PSKH2: variants seen among roughly 807,000 people sequenced by gnomAD.
PSKH2 encodes the protein serine/threonine-protein kinase H2.
A neutral mutation model predicts 22.5 loss-of-function variants in PSKH2; 16 were observed. The ratio of observed to expected loss-of-function variants is 0.71; its 90% confidence interval spans 0.48 to 1.08. PSKH2 has a LOEUF of 1.08. Among genes scored for constraint, PSKH2 ranks in the 50% least tolerant of loss-of-function variants. PSKH2 has a pLI of 0.00. For synonymous variants in PSKH2, 188 were observed against 184.8 expected (o/e 1.02, Z -0.14); for missense variants, 516 against 492.8 (o/e 1.05, Z -0.44).
In PSKH2 at chr8:86,047,530, T is replaced by A. The variant is rs1210879277; in HGVS notation, c.*932A>T. Among the ~76,000 whole-genome samples, 1 of 152,178 alleles carries A rather than the reference T, an allele frequency of 6.6e-6. No homozygotes were observed. The highest frequency in any genetic ancestry group is 2.1e-4 in the South Asian group (1 of 4,834). ...CAACTAATTAATCATTTATTTACTA[T>A]GTTTACCCACACATATGAGTGACTC... On this transcript the variant is annotated 3_prime_UTR_variant, in exon 3 of 3. Transcript: ENST00000276616.
At chr8:86,060,452 C>A (rs535165867) in intron 2 of PSKH2, among the ~76,000 whole-genome samples, 1 of 152,172 alleles carries the variant, frequency 6.6e-6, no homozygotes, top group African/African-American at 2.4e-5. Context: ...TGGCAATAGA[C>A]GCTAAATATA....
Position 86,049,741 on chromosome 8 carries a change from A to G in PSKH2, c.853-974T>C, listed in dbSNP as rs142251929. Among the ~76,000 whole-genome samples the G allele has an allele frequency of 1.4e-4, 5 of 34,806 alleles. 1 individual carries two copies. The highest frequency in any genetic ancestry group is 0.015 in the Middle Eastern group (1 of 66). 22.8% of individuals were successfully genotyped at this position (34,806 alleles called of 152,430 possible). A position where few individuals can be genotyped will look rare whatever the true frequency, so the allele number is the denominator to read the frequency against. On this transcript the variant is annotated intron_variant, in intron 2 of 2. Transcript: ENST00000276616. ...AAGAAAGAAAGAAAGAAAGAAAGAAAGAAAGAAACGAAAGAAAGAAAGAAA... is the reference window on the plus strand; with the variant it reads ...AAGAAAGAAAGAAAGAAAGAAAGAAGGAAAGAAACGAAAGAAAGAAAGAAA...
intron 2 of PSKH2, among the ~76,000 whole-genome samples, chr8:86,061,507 A>G (rs1453473608): frequency 1.3e-5 from 2 of 152,068 alleles, no homozygotes; most frequent in South Asian, 2.1e-4. Context: ...TGATGCAGAC[A>G]TGGAGCTGTG....
At position 86,064,272 on chromosome 8, in the gene PSKH2, CTA is replaced by C; in HGVS notation, c.543_544del (p.His181GlnfsTer6). 6.2e-7 allele frequency: 1 copy of C among 1,614,138 alleles called. No homozygotes were observed. Among genetic ancestry groups the C allele is most frequent in the Non-Finnish European group, 8.5e-7 (1 of 1,180,020 alleles). On this transcript the variant is annotated frameshift_variant, in exon 2 of 3. Coordinates refer to ENST00000276616, the MANE Select transcript of PSKH2 (RefSeq NM_033126.3). LOFTEE classifies it high-confidence loss of function. ...TAAGAGGTTTTCAGGCTTTAGATTC[CTA>C]TGAGTTATCTGCAGCGCATGCAAAT...
At chr8:86,049,732 AAGAAAGAAAG>A (rs1359911919) in intron 2 of PSKH2, among the ~76,000 whole-genome samples, 1 of 51,144 alleles carries the variant, frequency 2.0e-5, no homozygotes, top group Non-Finnish European at 4.1e-5. Flanking sequence ...GAAAGAAAGA[AAGAAAGAAAG>A]AAAGAAACGA....
intron 2 of PSKH2, among the ~76,000 whole-genome samples, chr8:86,049,737 AG>A (rs1405437275): frequency 4.5e-5 from 2 of 44,418 alleles, no homozygotes; most frequent in Non-Finnish European, 4.8e-5. Flanking sequence ...AAAGAAAGAA[AG>A]AAAGAAAGAA....
intron 1 of PSKH2, among the ~76,000 whole-genome samples, chr8:86,065,435 C>T (rs1374734790): frequency 2.6e-5 from 4 of 152,114 alleles, no homozygotes; most frequent in Non-Finnish European, 5.9e-5. Context: ...ATCCCCATAC[C>T]CACACTTGGA....
chr8:86,064,314 G>C lies in PSKH2; in HGVS notation c.503C>G (p.Ala168Gly), dbSNP rs1335274927. The C allele has an allele frequency of 6.2e-7, 1 of 1,614,110 alleles. No individual in the cohort carries two copies. The highest frequency in any genetic ancestry group is 8.5e-7 in the Non-Finnish European group (1 of 1,180,024). Residue 168 changes from alanine (A) to glycine (G), a missense_variant, in exon 2 of 3, where the codon GCT becomes GGT. Transcript: ENST00000276616. ...RDAVRILQMV[A>G]DGIRYLHALQ... ...CGCATGCAAATACCTAATCCCATCA[G>C]CAACCATCTGGAGGATCCTGACGGC...
chr8:86,047,432 TGA>T lies in PSKH2; in HGVS notation c.*1028_*1029del, dbSNP rs1817542511. On this transcript the variant is annotated 3_prime_UTR_variant, in exon 3 of 3. Transcript: ENST00000276616. The stretch of plus-strand genomic sequence containing the variant: ...AAAGAGAAAAATAAAATGAAAAAAT[TGA>T]GACTGATTTTAAAGTTACAGTAAAT... Among the ~76,000 whole-genome samples the T allele has an allele frequency of 6.6e-6, 1 of 152,102 alleles. No individual in the cohort carries two copies. Among genetic ancestry groups the T allele is most frequent in the African/African-American group, 2.4e-5 (1 of 41,446 alleles).
chr8:86,067,849 C>T (rs144990433), intron 1 of PSKH2, among the ~76,000 whole-genome samples: 2 of 152,282 alleles, frequency 1.3e-5, no homozygotes, highest in Admixed American at 6.5e-5. Context: ...CTACCACTAA[C>T]TTGGACAAGT....
Position 86,064,091 on chromosome 8 carries a change from T to C in PSKH2, c.726A>G (p.Ala242=). The stretch of plus-strand genomic sequence containing the variant: ...TCACACCAAGAGCCCACATGTCCAC[T>C]GCACTGGTATAAGGCTTCCTTAGCA... ...EVLLRKPYTS[A]VDMWALGVIT... is the part of the protein sequence containing the mutation. Residue 242 remains alanine (A), a synonymous_variant, in exon 2 of 3, where the codon GCA becomes GCG. Coordinates refer to ENST00000276616, the MANE Select transcript of PSKH2 (RefSeq NM_033126.3). 2 of 1,614,190 alleles carry C rather than the reference T, an allele frequency of 1.2e-6. No individual in the cohort carries two copies. Among genetic ancestry groups the C allele is most frequent in the Non-Finnish European group, 1.7e-6 (2 of 1,180,038 alleles).
intron 2 of PSKH2, among the ~76,000 whole-genome samples, chr8:86,057,285 T>TACACAC (rs71574253): frequency 0.012 from 1,548 of 129,920 alleles, 23 homozygotes; most frequent in African/African-American, 0.025. Flanking sequence ...TGCATGCATG[T>TACACAC]ACACACACAC....
At chr8:86,064,751 T>C (rs542661884) in intron 1 of PSKH2, 120 bp from the exon 2 acceptor site, 1 of 814,124 alleles carries the variant, frequency 1.2e-6, no homozygotes, top group Non-Finnish European at 1.9e-6. Context: ...TTTATTTGTT[T>C]ATTATTACTT....
intron 2 of PSKH2, among the ~76,000 whole-genome samples, chr8:86,049,597 C>A (rs113908724): frequency 0.032 from 2,625 of 82,008 alleles, 108 homozygotes; most frequent in African/African-American, 0.11. Context: ...AGAGAGAGAG[C>A]GAAGAGGGGA....
intron 2 of PSKH2, among the ~76,000 whole-genome samples, chr8:86,055,569 A>G (rs550709023): frequency 2.6e-5 from 4 of 152,362 alleles, no homozygotes; most frequent in African/African-American, 7.2e-5. Flanking sequence ...TTTGGTGAGC[A>G]TAAGTACTTA....
intron 2 of PSKH2, among the ~76,000 whole-genome samples, chr8:86,063,738 G>A (rs1235892478): frequency 5.3e-5 from 8 of 152,304 alleles, no homozygotes; most frequent in Non-Finnish European, 8.8e-5. Context: ...AGTCAGGGGC[G>A]ATTTTGCCCC....
rs760206810 is a variant in PSKH2, at chr8:86,064,547, T to C, written c.270A>G (p.Ala90=). ...TCTCTCTGGTTTCCATCACTTTTAT[T>C]GCAAAAGGTTTCTTGGTGGTCTTCT... The part of the protein sequence containing the change: ...VEQKTTKKPF[A]IKVMETRERE... Residue 90 remains alanine, a synonymous_variant, in exon 2 of 3, where the codon GCA becomes GCG. Transcript: ENST00000276616. The C allele has an allele frequency of 5.0e-6, 8 of 1,614,008 alleles. 1 individual carries two copies. In the South Asian group the frequency reaches 8.8e-5, roughly 18 times the overall value.
chr8:86,063,574 G>A, intron 2 of PSKH2, among the ~76,000 whole-genome samples: 1 of 152,220 alleles, frequency 6.6e-6, no homozygotes, highest in East Asian at 1.9e-4. Flanking sequence ...GAGTTTCTGT[G>A]AACACATTAG....
intron 1 of PSKH2, among the ~76,000 whole-genome samples, chr8:86,068,382 T>G (rs187272436): frequency 6.6e-6 from 1 of 152,156 alleles, no homozygotes; most frequent in Admixed American, 6.6e-5. Context: ...ATGTCCAACA[T>G]GTCCAACATG....
Sources: gnomAD v4.1 joint callset for allele counts (sites outside exome capture counted in the v4.1 genomes callset) on GRCh38, gnomAD v4.1.1 for gene constraint, MANE v1.5 for transcripts, NCBI Gene and HGNC (gene_info 2026-07-23, HGNC 2026-07-21) for gene names.